MAGI3: variants seen among roughly 807,000 people sequenced by gnomAD.
The protein encoded by MAGI3 is membrane associated guanylate kinase, WW and PDZ domain containing 3, also known as membrane-associated guanylate kinase, WW and PDZ domain-containing protein 3.
MAGI3 carries 43 observed loss-of-function variants against 121.8 expected under a neutral mutation model. That is an observed-to-expected ratio of 0.35 (90% CI 0.28 to 0.46). MAGI3 has a LOEUF of 0.46. Among genes scored for constraint, MAGI3 ranks in the 20% least tolerant of loss-of-function variants. The pLI, the probability that MAGI3 is intolerant of heterozygous loss-of-function variation, is 1.00. For synonymous variants in MAGI3, 553 were observed against 639.3 expected, an observed-to-expected ratio of 0.86 and a Z score of 2.04; for missense variants, 1,547 against 1,797.3, an observed-to-expected ratio of 0.86 and a Z score of 2.52.
Position 113,673,416 on chromosome 1 carries a change from T to G in MAGI3, c.3140T>G (p.Ile1047Ser). Residue 1047 changes from isoleucine to serine, a missense_variant, in exon 19 of 21, where the codon ATC becomes AGC. Ile to Ser is a moderately radical substitution (Grantham distance 142, BLOSUM62 -2). Coordinates refer to ENST00000307546, the MANE Select transcript of MAGI3 (RefSeq NM_001142782.2). ...GGKEYNMGLF[I>S]LRLAEDGPAI... The stretch of plus-strand genomic sequence containing the variant: ...AAGGAGTACAACATGGGGCTGTTCA[T>G]CCTTCGTCTTGCTGAAGATGGTCCT... The G allele has an allele frequency of 6.2e-7, 1 of 1,613,082 alleles. No homozygotes were observed. The highest frequency in any genetic ancestry group is 1.1e-5 in the South Asian group (1 of 90,970).
intron 1 of MAGI3, among the ~76,000 whole-genome samples, chr1:113,490,364 T>G (rs1656610559): frequency 6.6e-6 from 1 of 152,162 alleles, no homozygotes; most frequent in South Asian, 2.1e-4. Flanking sequence ...CAGACCTGCC[T>G]TACAAGAGCC....
At chr1:113,554,184 G>A (rs1659894628) in intron 2 of MAGI3, among the ~76,000 whole-genome samples, 2 of 151,988 alleles carry the variant, frequency 1.3e-5, no homozygotes, top group South Asian at 2.1e-4. Flanking sequence ...ACACATGATG[G>A]CATTACTATA....
intron 16 of MAGI3, among the ~76,000 whole-genome samples, chr1:113,670,311 A>G (rs1030633478): frequency 2.6e-5 from 4 of 152,240 alleles, no homozygotes; most frequent in African/African-American, 7.2e-5. Context: ...AAACTTTTCA[A>G]TAAAAATAAG....
chr1:113,488,688 G>A (rs537940508), intron 1 of MAGI3, among the ~76,000 whole-genome samples: 46 of 152,238 alleles, frequency 3.0e-4, no homozygotes, highest in Non-Finnish European at 1.9e-4. Context: ...AGTGCAGTCC[G>A]ACCCCCTCCA....
intron 2 of MAGI3, among the ~76,000 whole-genome samples, chr1:113,565,874 C>G (rs887614057): frequency 1.3e-5 from 2 of 152,178 alleles, no homozygotes; most frequent in Non-Finnish European, 2.9e-5. Flanking sequence ...TGTCCTGGTT[C>G]CTGGAAATAT....
chr1:113,526,757 G>A (rs796476631), intron 1 of MAGI3, among the ~76,000 whole-genome samples: 4 of 152,236 alleles, frequency 2.6e-5, no homozygotes, highest in East Asian at 1.9e-4. Context: ...TTGGTGACCC[G>A]GATTAAGGTA....
At chr1:113,598,936 T>A (rs1324903027) in intron 6 of MAGI3, among the ~76,000 whole-genome samples, 1 of 152,158 alleles carries the variant, frequency 6.6e-6, no homozygotes, top group African/African-American at 2.4e-5. Flanking sequence ...AAAACAAGTC[T>A]CAATAAATTT....
At chr1:113,421,252 A>T (rs1652720520) in intron 1 of MAGI3, among the ~76,000 whole-genome samples, 1 of 152,180 alleles carries the variant, frequency 6.6e-6, no homozygotes, top group African/African-American at 2.4e-5. Flanking sequence ...CCACATGGTA[A>T]ATATGCTTAA....
At chr1:113,620,628 CCCCA>C (rs1212862231) in intron 8 of MAGI3, among the ~76,000 whole-genome samples, 2 of 152,146 alleles carry the variant, frequency 1.3e-5, no homozygotes. Flanking sequence ...CTGACTATAT[CCCCA>C]GTGCTTTGCT....
At chr1:113,624,692 T>C (rs1651109759) in intron 9 of MAGI3, among the ~76,000 whole-genome samples, 1 of 152,252 alleles carries the variant, frequency 6.6e-6, no homozygotes, top group South Asian at 2.1e-4. Flanking sequence ...TTTCCTTTGC[T>C]ATGCAGAAGC....
intron 1 of MAGI3, among the ~76,000 whole-genome samples, chr1:113,507,980 A>T (rs1657425808): frequency 6.6e-6 from 1 of 152,160 alleles, no homozygotes; most frequent in Non-Finnish European, 1.5e-5. Flanking sequence ...TTACTGCCAA[A>T]AAAAATGAGC....
At chr1:113,655,347 T>C (rs1183580517) in intron 15 of MAGI3, among the ~76,000 whole-genome samples, 1 of 152,170 alleles carries the variant, frequency 6.6e-6, no homozygotes, top group African/African-American at 2.4e-5. Context: ...ATTGAAGATA[T>C]TCCCTTTCTA....
At chr1:113,461,419 A>C (rs529501127) in intron 1 of MAGI3, among the ~76,000 whole-genome samples, 2 of 152,314 alleles carry the variant, frequency 1.3e-5, no homozygotes, top group East Asian at 3.9e-4. Context: ...GAGAGCCTAG[A>C]AATCAGGCCA....
intron 15 of MAGI3, among the ~76,000 whole-genome samples, chr1:113,657,921 T>C (rs968661889): frequency 2.6e-5 from 4 of 152,176 alleles, no homozygotes; most frequent in Non-Finnish European, 5.9e-5. Flanking sequence ...TGTAGGGAAA[T>C]AAATCATCAT....
chr1:113,485,626 T>C (rs1656347002), intron 1 of MAGI3, among the ~76,000 whole-genome samples: 1 of 152,258 alleles, frequency 6.6e-6, no homozygotes, highest in African/African-American at 2.4e-5. Flanking sequence ...CAATTAACTC[T>C]GCTGATTATT....
At chr1:113,508,116 C>T (rs1657432382) in intron 1 of MAGI3, among the ~76,000 whole-genome samples, 1 of 152,122 alleles carries the variant, frequency 6.6e-6, no homozygotes, top group African/African-American at 2.4e-5. Context: ...TTATCCACAA[C>T]AAAAATTATA....
At chr1:113,508,807 CTG>C (rs1318841862) in intron 1 of MAGI3, among the ~76,000 whole-genome samples, 1 of 152,076 alleles carries the variant, frequency 6.6e-6, no homozygotes, top group Non-Finnish European at 1.5e-5. Context: ...TTGCTGCTCT[CTG>C]CTGAGAAATT....
At chr1:113,485,023 C>T (rs1260253603) in intron 1 of MAGI3, among the ~76,000 whole-genome samples, 16 of 152,050 alleles carry the variant, frequency 1.1e-4, no homozygotes, top group Admixed American at 9.8e-4. Flanking sequence ...TGAACCACCA[C>T]GCCTAACCCA....
intron 19 of MAGI3, among the ~76,000 whole-genome samples, chr1:113,678,686 A>G (rs1428291504): frequency 6.6e-6 from 1 of 152,202 alleles, no homozygotes; most frequent in Non-Finnish European, 1.5e-5. Flanking sequence ...GTATATAATC[A>G]TGTTTTATCT....
Sources: gnomAD v4.1 joint callset for allele counts (sites outside exome capture counted in the v4.1 genomes callset) on GRCh38, gnomAD v4.1.1 for gene constraint, MANE v1.5 for transcripts, NCBI Gene and HGNC (gene_info 2026-07-23, HGNC 2026-07-21) for gene names.